WDPCP: variants seen among roughly 807,000 people sequenced by gnomAD.
WDPCP encodes the protein WD repeat-containing and planar cell polarity effector protein fritz homolog.
A neutral mutation model predicts 93.1 loss-of-function variants in WDPCP; 71 were observed. The ratio of observed to expected loss-of-function variants is 0.76; its 90% CI spans 0.63 to 0.93. The LOEUF is 0.93. WDPCP is among the 40% of genes least tolerant of loss of function. WDPCP has a pLI of 0.00. For synonymous variants in WDPCP, 315 were observed against 315.0 expected, an observed-to-expected ratio of 1.00 and a Z score of 0.00; for missense variants, 844 against 887.4, an observed-to-expected ratio of 0.95 and a Z score of 0.62.
chr2:63,400,942 T>C (rs1694101429), intron 10 of WDPCP, among the ~76,000 whole-genome samples: 1 of 152,154 alleles, frequency 6.6e-6, no homozygotes, highest in East Asian at 1.9e-4. Context: ...TGGCTAGCCA[T>C]ATGCAGAAAA....
chr2:63,438,492 C>T (rs2105510161), intron 7 of WDPCP, among the ~76,000 whole-genome samples: 1 of 152,136 alleles, frequency 6.6e-6, no homozygotes, highest in East Asian at 1.9e-4. Flanking sequence ...CCTTTTAATT[C>T]TCATTGAGGA....
chr2:63,775,393 T>C (rs1353839997), intron 2 of WDPCP, among the ~76,000 whole-genome samples: 1 of 152,212 alleles, frequency 6.6e-6, no homozygotes, highest in Non-Finnish European at 1.5e-5. Flanking sequence ...AAACTTACTG[T>C]TGCTGTCTAC....
chr2:63,430,544 T>TAA (rs1696664943), intron 9 of WDPCP, among the ~76,000 whole-genome samples: 1 of 152,252 alleles, frequency 6.6e-6, no homozygotes, highest in African/African-American at 2.4e-5. Flanking sequence ...AAAAGAATTT[T>TAA]TTCTTAGACT....
intron 6 of WDPCP, among the ~76,000 whole-genome samples, chr2:63,454,880 G>A (rs964327545): frequency 1.4e-4 from 21 of 152,092 alleles, no homozygotes; most frequent in African/African-American, 3.9e-4. Flanking sequence ...GAAACCTTAT[G>A]GGCCAGGAGA....
chr2:63,621,575 G>C (rs551192793), intron 3 of WDPCP, among the ~76,000 whole-genome samples: 2 of 152,228 alleles, frequency 1.3e-5, no homozygotes, highest in South Asian at 4.1e-4. Flanking sequence ...TGATGGAGAG[G>C]ATGGAACCAA....
At chr2:63,458,075 G>C (rs1248728536) in intron 6 of WDPCP, among the ~76,000 whole-genome samples, 1 of 145,832 alleles carries the variant, frequency 6.9e-6, no homozygotes, top group African/African-American at 2.6e-5. Flanking sequence ...AGTAAGCCGA[G>C]ATCGCACCAC....
At chr2:63,444,158 T>C (rs1269806094) in intron 6 of WDPCP, among the ~76,000 whole-genome samples, 1 of 152,144 alleles carries the variant, frequency 6.6e-6, no homozygotes, top group South Asian at 2.1e-4. Context: ...CTCTGGGACA[T>C]TCTGACCCAA....
the WDPCP span, among the ~76,000 whole-genome samples, chr2:63,835,032 T>A: frequency 1.3e-5 from 2 of 150,044 alleles, no homozygotes; most frequent in Non-Finnish European, 3.0e-5. Context: ...ACTATCTGGA[T>A]TTTTTTTTTA....
intron 2 of WDPCP, among the ~76,000 whole-genome samples, chr2:63,730,158 A>T (rs1433896911): frequency 6.6e-6 from 1 of 152,134 alleles, no homozygotes; most frequent in Non-Finnish European, 1.5e-5. Flanking sequence ...GCATTATCTC[A>T]TGCAATCTTC....
chr2:63,431,553 T>TG (rs1696761735), intron 9 of WDPCP, among the ~76,000 whole-genome samples: 1 of 133,990 alleles, frequency 7.5e-6, no homozygotes. Flanking sequence ...TGGCTGCTAC[T>TG]GAAAAAAAAA....
chr2:63,322,361 C>T (rs1687175905), intron 12 of WDPCP, among the ~76,000 whole-genome samples: 2 of 152,188 alleles, frequency 1.3e-5, no homozygotes. Flanking sequence ...GCTCGGGTCC[C>T]CTTCCATGCT....
At chr2:63,354,227 A>C (rs1002204037) in intron 12 of WDPCP, among the ~76,000 whole-genome samples, 4 of 152,174 alleles carry the variant, frequency 2.6e-5, no homozygotes, top group African/African-American at 9.7e-5. Flanking sequence ...GCTTGGGCCC[A>C]CAGCACAGAC....
chr2:63,654,948 A>G (rs1301659791), intron 2 of WDPCP, among the ~76,000 whole-genome samples: 2 of 152,116 alleles, frequency 1.3e-5, no homozygotes, highest in African/African-American at 4.8e-5. Flanking sequence ...CTTTGCTCTC[A>G]GCTCCTCATG....
At chr2:63,303,434 A>C (rs6734468) in intron 13 of WDPCP, among the ~76,000 whole-genome samples, 121,879 of 152,132 alleles carry the variant, frequency 0.8, 49,696 homozygotes, top group East Asian at 0.96. Context: ...CACTAGATGA[A>C]ACCCAGGTAT....
intron 13 of WDPCP, among the ~76,000 whole-genome samples, chr2:63,306,097 G>A (rs745978160): frequency 6.6e-6 from 1 of 152,202 alleles, no homozygotes; most frequent in East Asian, 1.9e-4. Flanking sequence ...TACCATCAGA[G>A]AATACTATAA....
chr2:63,701,670 A>G (rs1185812052), intron 2 of WDPCP, among the ~76,000 whole-genome samples: 4 of 152,250 alleles, frequency 2.6e-5, no homozygotes, highest in Non-Finnish European at 5.9e-5. Context: ...ATTCAGCCAT[A>G]AGAAAGAATG....
chr2:63,633,780 G>A (rs149507207), intron 3 of WDPCP, among the ~76,000 whole-genome samples: 31 of 152,146 alleles, frequency 2.0e-4, no homozygotes, highest in Non-Finnish European at 3.8e-4. Context: ...GGTTAAATTC[G>A]GCCAGGTGCA....
chr2:63,477,747 A>AC (rs1011876890), intron 6 of WDPCP: 1 of 152,088 alleles, frequency 6.6e-6, no homozygotes, highest in African/African-American at 2.4e-5. Flanking sequence ...AGGATCATCC[A>AC]CCCCCGAACA....
In WDPCP at chr2:63,225,005, AG is replaced by A. The variant is rs1678164153; in HGVS notation, c.1915+34301del. Among the ~76,000 whole-genome samples the A allele has an allele frequency of 2.0e-5, 3 of 151,720 alleles. No homozygotes were observed. In the South Asian group the frequency reaches 6.2e-4, roughly 32 times the overall value. On this transcript the variant is annotated intron_variant, in intron 14 of 17. Coordinates refer to ENST00000272321, the MANE Select transcript of WDPCP (RefSeq NM_015910.7). ...TTATATGTGTGGGAACTGGGGTTAT[AG>A]GGGAAATCTCTGTACCTTCAGCTTA...
Sources: gnomAD v4.1 joint callset for allele counts (sites outside exome capture counted in the v4.1 genomes callset) on GRCh38, gnomAD v4.1.1 for gene constraint, MANE v1.5 for transcripts, NCBI Gene and HGNC (gene_info 2026-07-23, HGNC 2026-07-21) for gene names.